The following ST3GAL2 variants were observed in gnomAD, a reference collection of about 807,000 sequenced individuals.
ST3GAL2 encodes the protein ST3 beta-galactoside alpha-2,3-sialyltransferase 2.
In ST3GAL2, 16 loss-of-function variants were observed where a neutral mutation model predicts 37.5. The observed-to-expected ratio is 0.43, with a 90% confidence interval of 0.29 to 0.65. ST3GAL2 has a LOEUF of 0.65. ST3GAL2 is among the 30% of genes least tolerant of loss of function. The pLI is 0.17. For missense variants in ST3GAL2, 383 were observed against 487.8 expected (o/e 0.79, Z 2.02); for synonymous variants, 238 against 202.9 (o/e 1.17, Z -1.47).
chr16:70,409,612 G>A (rs757705888), intron 1 of ST3GAL2, among the ~76,000 whole-genome samples: 2 of 151,826 alleles, frequency 1.3e-5, no homozygotes, highest in Non-Finnish European at 2.9e-5. Context: ...CAAAGTGTTG[G>A]GATTACAGGT....
chr16:70,414,022 G>C (rs2047658167), intron 1 of ST3GAL2, among the ~76,000 whole-genome samples: 1 of 152,178 alleles, frequency 6.6e-6, no homozygotes, highest in South Asian at 2.1e-4. Flanking sequence ...GTTGAGTGTG[G>C]TGGGGGGTAG....
At chr16:70,383,042 T>G in intron 5 of ST3GAL2, 118 bp from the exon 6 acceptor site, 2 of 1,584,812 alleles carry the variant, frequency 1.3e-6, no homozygotes, top group Admixed American at 3.6e-5. Context: ...GTCTCCTGAA[T>G]CGTGTGGCAC....
At chr16:70,391,641 T>C (rs572463592) in intron 3 of ST3GAL2, among the ~76,000 whole-genome samples, 1 of 152,266 alleles carries the variant, frequency 6.6e-6, no homozygotes, top group African/African-American at 2.4e-5. Context: ...TAACAGGGGA[T>C]GTCAGAGCCA....
chr16:70,434,601 G>A (rs928808273), intron 1 of ST3GAL2, among the ~76,000 whole-genome samples: 5 of 151,126 alleles, frequency 3.3e-5, no homozygotes, highest in Non-Finnish European at 7.3e-5. Context: ...GGCACATCTG[G>A]TAAGTTCTGT....
chr16:70,382,797 C>T lies in ST3GAL2; in HGVS notation c.879+8G>A. On this transcript the variant is annotated splice_region_variant and intron_variant, in intron 6 of 6. Coordinates refer to ENST00000342907, the MANE Select transcript of ST3GAL2 (RefSeq NM_006927.4). The stretch of plus-strand genomic sequence containing the variant: ...GGTTCCCACCACCCACACCACGGGC[C>T]TACCCACCTCATCACACACATGCAG... 1.2e-6 allele frequency: 2 copies of T among 1,613,992 alleles called. No individual in the cohort carries two copies. Among genetic ancestry groups the T allele is most frequent in the Middle Eastern group, 1.6e-4 (1 of 6,062 alleles).
At position 70,403,121 on chromosome 16, in the gene ST3GAL2, T is replaced by G. The variant is rs76843361; in HGVS notation, c.-1003-3588A>C. ...ACTAGCAGGGAGACCAGAAAGGAAC[T>G]GTTGCAATATCCCAGGTGGTGGAGG... On this transcript the variant is annotated intron_variant, in intron 1 of 6. Coordinates refer to ENST00000342907, the MANE Select transcript of ST3GAL2 (RefSeq NM_006927.4). 8.5e-3 allele frequency among the ~76,000 whole-genome samples: 1,267 copies of G among 149,758 alleles called. 125 individuals are homozygous for G. The East Asian group carries it at 0.2, about 24-fold the overall frequency.
intron 3 of ST3GAL2, among the ~76,000 whole-genome samples, chr16:70,389,050 G>A (rs1397956939): frequency 2.9e-5 from 4 of 138,840 alleles, no homozygotes; most frequent in African/African-American, 1.1e-4. Flanking sequence ...CTCCAGCCTG[G>A]GTGACAGAAC....
Position 70,405,845 on chromosome 16 carries a change from G to T in ST3GAL2, c.-1003-6312C>A, listed in dbSNP as rs183449288. 1.8e-4 allele frequency among the ~76,000 whole-genome samples: 28 copies of T among 151,992 alleles called. No individual in the cohort carries two copies. In the East Asian group the frequency reaches 5.5e-3, roughly 30 times the overall value. ...GGAGGCCGAGGCAGGTGGATCACGA[G>T]GTCAGGAGATCAAGACCATCCTGGC... On this transcript the variant is annotated intron_variant, in intron 1 of 6. Transcript: ENST00000342907.
At position 70,411,384 on chromosome 16, in the gene ST3GAL2, T is replaced by TA. The variant is rs61364237; in HGVS notation, c.-1003-11852dup. The stretch of plus-strand genomic sequence containing the variant: ...GGATGACAGTGATTGCAATAAAAAA[T>TA]AAAAAAAAAAAAAGCAGCAGCAGCA... On this transcript the variant is annotated intron_variant, in intron 1 of 6. Coordinates refer to ENST00000342907, the MANE Select transcript of ST3GAL2 (RefSeq NM_006927.4). Among the ~76,000 whole-genome samples the TA allele has an allele frequency of 5.4e-3, 702 of 130,302 alleles. 6 individuals are homozygous for TA. The highest frequency in any genetic ancestry group is 0.012 in the African/African-American group (444 of 36,366). 85.5% of individuals were successfully genotyped at this position (130,302 alleles called of 152,430 possible).
chr16:70,397,461 C>T lies in ST3GAL2; in HGVS notation c.339+731G>A, dbSNP rs113615933. ...TATTTTGGCTGGGCATGGTGGCTCACGCCTGTAATCCCAGCACTTTGGGAA... is the reference window on the plus strand; with the variant it reads ...TATTTTGGCTGGGCATGGTGGCTCATGCCTGTAATCCCAGCACTTTGGGAA... On this transcript the variant is annotated intron_variant, in intron 2 of 6. Coordinates refer to ENST00000342907, the MANE Select transcript of ST3GAL2 (RefSeq NM_006927.4). Among the ~76,000 whole-genome samples the T allele has an allele frequency of 4.7e-3, 719 of 152,070 alleles. 3 individuals are homozygous for T. The highest frequency in any genetic ancestry group is 7.9e-3 in the Non-Finnish European group (534 of 68,004).
At chr16:70,426,204 T>TC (rs2047749878) in intron 1 of ST3GAL2, among the ~76,000 whole-genome samples, 1 of 147,440 alleles carries the variant, frequency 6.8e-6, no homozygotes, top group Non-Finnish European at 1.5e-5. Context: ...TTTTTTTTTT[T>TC]TGTTTTTGAG....
intron 2 of ST3GAL2, among the ~76,000 whole-genome samples, chr16:70,397,043 C>CTTTTT (rs35885469): frequency 3.8e-5 from 5 of 130,286 alleles, no homozygotes; most frequent in Non-Finnish European, 4.7e-5. Flanking sequence ...TCTTTTCTTT[C>CTTTTT]TTTTTTTTTT....
chr16:70,383,421 T>TA (rs1334308108), intron 4 of ST3GAL2, among the ~76,000 whole-genome samples, 186 bp from the exon 5 acceptor site: 6 of 151,048 alleles, frequency 4.0e-5, no homozygotes, highest in Admixed American at 1.3e-4. Context: ...CCATCTCTAC[T>TA]AAAAAAACAA....
At chr16:70,426,296 C>G (rs1041174571) in intron 1 of ST3GAL2, among the ~76,000 whole-genome samples, 1 of 146,832 alleles carries the variant, frequency 6.8e-6, no homozygotes, top group Non-Finnish European at 1.5e-5. Flanking sequence ...CAGGTTCAAG[C>G]GATTCTCCTG....
intron 1 of ST3GAL2, among the ~76,000 whole-genome samples, chr16:70,430,075 C>T (rs571588367): frequency 1.3e-5 from 2 of 152,346 alleles, no homozygotes; most frequent in Admixed American, 1.3e-4. Context: ...TTGAGGACAG[C>T]CAAACAGACC....
rs2047534514 is a variant in ST3GAL2 at position 70,398,639 on chromosome 16, G to A, written c.-109C>T. 1 of 1,063,542 alleles carries A rather than the reference G, an allele frequency of 9.4e-7. No homozygotes were observed. Among genetic ancestry groups the A allele is most frequent in the East Asian group, 2.6e-5 (1 of 38,344 alleles). 65.9% of individuals were successfully genotyped at this position (1,063,542 alleles called of 1,614,324 possible). On this transcript the variant is annotated 5_prime_UTR_variant, in exon 2 of 7. Transcript: ENST00000342907. ...CTGGCACCACATGCAAAGGGCATAG[G>A]GGCACGTGCTGCAGCAGGGGACAGT...
Position 70,381,649 on chromosome 16 carries a change from G to T in ST3GAL2, c.*40C>A. 1 of 1,602,462 alleles carries T rather than the reference G, an allele frequency of 6.2e-7. No homozygotes were observed. Among genetic ancestry groups the T allele is most frequent in the Non-Finnish European group, 8.5e-7 (1 of 1,174,276 alleles). On this transcript the variant is annotated 3_prime_UTR_variant, in exon 7 of 7. Transcript: ENST00000342907. ...CTGGGTCCCGGGCCGGAGCCCCGGTGCCCGATAGATGGGCCGGAAGGGTCG... is the reference window on the plus strand; with the variant it reads ...CTGGGTCCCGGGCCGGAGCCCCGGTTCCCGATAGATGGGCCGGAAGGGTCG...
chr16:70,408,456 A>T (rs2047609032), intron 1 of ST3GAL2, among the ~76,000 whole-genome samples: 1 of 152,054 alleles, frequency 6.6e-6, no homozygotes, highest in African/African-American at 2.4e-5. Flanking sequence ...CTCCCTCCCC[A>T]ACAACTCAAA....
At chr16:70,434,991 A>G (rs781752682) in intron 1 of ST3GAL2, among the ~76,000 whole-genome samples, 1 of 152,238 alleles carries the variant, frequency 6.6e-6, no homozygotes, top group Non-Finnish European at 1.5e-5. Flanking sequence ...TATCCTGTCC[A>G]GTGTGCAGCC....
Sources: gnomAD v4.1 joint callset for allele counts (sites outside exome capture counted in the v4.1 genomes callset) on GRCh38, gnomAD v4.1.1 for gene constraint, MANE v1.5 for transcripts, NCBI Gene and HGNC (gene_info 2026-07-23, HGNC 2026-07-21) for gene names.